Variants in ADAMTS17 observed in about 807,000 individuals in gnomAD.
The protein encoded by ADAMTS17 is ADAM metallopeptidase with thrombospondin type 1 motif 17.
ADAMTS17 carries 113 observed loss-of-function variants against 141.5 expected under a neutral mutation model. That is an observed-to-expected ratio of 0.80 (90% CI 0.69 to 0.93). The LOEUF is 0.93. ADAMTS17 is among the 40% of genes least tolerant of loss of function. The pLI, the probability that ADAMTS17 is intolerant of heterozygous loss-of-function variation, is 0.00. For synonymous variants in ADAMTS17, 768 were observed against 630.6 expected, an observed-to-expected ratio of 1.22 and a Z score of -3.27; for missense variants, 1,659 against 1,517.9, an observed-to-expected ratio of 1.09 and a Z score of -1.54.
intron 3 of ADAMTS17, among the ~76,000 whole-genome samples, chr15:100,290,342 T>C (rs1299982651): frequency 6.6e-6 from 1 of 152,064 alleles, no homozygotes; most frequent in East Asian, 1.9e-4. Flanking sequence ...AAAACACTTC[T>C]CAAAGAAATC....
intron 4 of ADAMTS17, among the ~76,000 whole-genome samples, chr15:100,277,182 A>C (rs545769803): frequency 3.2e-4 from 49 of 152,200 alleles, no homozygotes; most frequent in Admixed American, 9.1e-4. Context: ...CCTCCTCAGG[A>C]AACATCTCAA....
rs749955356 is a variant in ADAMTS17, at chr15:100,281,390, G to T, written c.628C>A (p.Pro210Thr). The T allele has an allele frequency of 6.2e-7, 1 of 1,612,488 alleles. No homozygotes were observed. The highest frequency in any genetic ancestry group is 8.5e-7 in the Non-Finnish European group (1 of 1,179,924). ...LCKVLTEKKK[P>T]TWGRPSRDWR... ...TCCCGCGAAGGCCTGCCCCACGTCG[G>T]CTTCTTCTTTTCTAGAAAATGATGG... Residue 210 changes from proline to threonine, a missense_variant, in exon 4 of 22, where the codon CCG becomes ACG. Transcript: ENST00000268070.
chr15:100,065,872 T>C (rs934390379), intron 15 of ADAMTS17, among the ~76,000 whole-genome samples: 4 of 152,182 alleles, frequency 2.6e-5, no homozygotes, highest in African/African-American at 9.7e-5. Flanking sequence ...CCCTCCCCTT[T>C]TCCCCCACCC....
At chr15:100,153,495 A>C (rs2039287726) in intron 9 of ADAMTS17, among the ~76,000 whole-genome samples, 1 of 152,096 alleles carries the variant, frequency 6.6e-6, no homozygotes, top group Non-Finnish European at 1.5e-5. Context: ...CACACAAATT[A>C]GCCAGGCATG....
chr15:100,185,407 T>C (rs2040678189), intron 8 of ADAMTS17, among the ~76,000 whole-genome samples: 2 of 152,208 alleles, frequency 1.3e-5, no homozygotes, highest in South Asian at 4.1e-4. Flanking sequence ...GCTCAGATCC[T>C]GGTCTCTTTT....
At chr15:100,112,775 G>A (rs1255114577) in intron 13 of ADAMTS17, among the ~76,000 whole-genome samples, 1 of 152,178 alleles carries the variant, frequency 6.6e-6, no homozygotes, top group Non-Finnish European at 1.5e-5. Flanking sequence ...CTGGCTTCTT[G>A]CTGGCCTGCC....
chr15:100,187,533 C>T (rs1006704538), intron 8 of ADAMTS17, among the ~76,000 whole-genome samples: 7 of 152,172 alleles, frequency 4.6e-5, no homozygotes, highest in Non-Finnish European at 1.0e-4. Flanking sequence ...GATCTGGTTC[C>T]TGGACTTTAT....
chr15:100,018,307 TG>T (rs150721901), intron 18 of ADAMTS17, among the ~76,000 whole-genome samples: 2,334 of 152,280 alleles, frequency 0.015, 56 homozygotes, highest in African/African-American at 0.051. Context: ...AATCAGATAA[TG>T]GGCAAACAAT....
intron 15 of ADAMTS17, among the ~76,000 whole-genome samples, chr15:100,069,211 T>C (rs1323523172): frequency 1.3e-5 from 2 of 151,734 alleles, no homozygotes; most frequent in East Asian, 3.9e-4. Flanking sequence ...TAAAAAGAAA[T>C]GAACAAAGCC....
intron 9 of ADAMTS17, among the ~76,000 whole-genome samples, chr15:100,152,981 T>G (rs2039257727): frequency 4.5e-5 from 1 of 22,112 alleles, no homozygotes; most frequent in African/African-American, 7.9e-5. Context: ...CTGAAGGTAG[T>G]AAGAACCTGG....
At chr15:100,151,929 G>C (rs1010389880) in intron 10 of ADAMTS17, among the ~76,000 whole-genome samples, 1 of 152,230 alleles carries the variant, frequency 6.6e-6, no homozygotes, top group African/African-American at 2.4e-5. Flanking sequence ...TGAGACTTGA[G>C]TTCAAATCCT....
At chr15:100,217,242 T>A (rs895120481) in intron 7 of ADAMTS17, among the ~76,000 whole-genome samples, 1 of 152,112 alleles carries the variant, frequency 6.6e-6, no homozygotes, top group Non-Finnish European at 1.5e-5. Context: ...TGGATATCCA[T>A]ATGCAAGAAA....
chr15:100,001,988 C>CCA (rs2060934321), intron 18 of ADAMTS17, among the ~76,000 whole-genome samples: 11 of 39,132 alleles, frequency 2.8e-4, no homozygotes, highest in South Asian at 1.2e-3. Context: ...AAAAAAAGGC[C>CCA]AAACCCAAAA....
rs113238578 is a variant in ADAMTS17, at chr15:100,096,314, C to G, written c.2137+42G>C. 3.2e-3 allele frequency: 5,216 copies of G among 1,610,312 alleles called. 92 individuals are homozygous for G. In the African/African-American group the frequency reaches 0.048, roughly 15 times the overall value. ...AATCAATAGCTGTAGGCAAAGGACA[C>G]AAAACACTGTAGCCACAGCAGCCCC... On this transcript the variant is annotated intron_variant, in intron 15 of 21. Transcript: ENST00000268070.
intron 15 of ADAMTS17, among the ~76,000 whole-genome samples, chr15:100,080,686 C>CT (rs35913419): frequency 2.5e-4 from 38 of 152,112 alleles, no homozygotes; most frequent in Non-Finnish European, 3.7e-4. Context: ...TTATTTCCTC[C>CT]TTTTTTTGCT....
chr15:100,177,284 C>A (rs924641163), intron 8 of ADAMTS17, among the ~76,000 whole-genome samples: 18 of 152,210 alleles, frequency 1.2e-4, no homozygotes, highest in African/African-American at 4.1e-4. Context: ...AAGCACTTAA[C>A]AGCTATACAT....
At chr15:100,065,758 G>C (rs1192090847) in intron 15 of ADAMTS17, among the ~76,000 whole-genome samples, 1 of 152,132 alleles carries the variant, frequency 6.6e-6, no homozygotes, top group Non-Finnish European at 1.5e-5. Flanking sequence ...GAATGTGCAG[G>C]TTTGTTACAT....
intron 7 of ADAMTS17, among the ~76,000 whole-genome samples, chr15:100,216,148 T>C (rs2041962037): frequency 6.6e-6 from 1 of 152,198 alleles, no homozygotes; most frequent in African/African-American, 2.4e-5. Flanking sequence ...CCCCCTTTTG[T>C]AAGATGAGAT....
intron 15 of ADAMTS17, among the ~76,000 whole-genome samples, chr15:100,087,130 T>C (rs555786467): frequency 1.6e-4 from 24 of 152,186 alleles, no homozygotes; most frequent in Non-Finnish European, 2.9e-4. Flanking sequence ...AAGAATCAAA[T>C]AGACACAATA....
Sources: gnomAD v4.1 joint callset for allele counts (sites outside exome capture counted in the v4.1 genomes callset) on GRCh38, gnomAD v4.1.1 for gene constraint, MANE v1.5 for transcripts, NCBI Gene and HGNC (gene_info 2026-07-23, HGNC 2026-07-21) for gene names.